Variants in EYS observed in about 807,000 individuals in gnomAD.
EYS encodes the protein EGF-like photoreceptor maintenance factor, also known as protein eyes shut homolog.
Under a neutral mutation model 282.1 loss-of-function variants are expected in EYS, and 250 were observed. The ratio of observed to expected loss-of-function variants is 0.89; its 90% confidence interval spans 0.80 to 0.98. The LOEUF (loss-of-function observed/expected upper bound fraction) is 0.98, where lower values mean the gene tolerates loss of function less well. Among genes scored for constraint, EYS ranks in the 50% least tolerant of loss-of-function variants. The pLI, the probability that EYS is intolerant of heterozygous loss-of-function variation, is 0.00. For synonymous variants in EYS, 1,355 were observed against 1,282.9 expected (o/e 1.06, Z -1.20); for missense variants, 4,016 against 3,709.0 (o/e 1.08, Z -2.15).
At chr6:64,372,158 T>TTC (rs1772400302) in intron 29 of EYS, among the ~76,000 whole-genome samples, 1 of 90,812 alleles carries the variant, frequency 1.1e-5, no homozygotes, top group Non-Finnish European at 2.4e-5. Flanking sequence ...TTTTTTTTTT[T>TTC]TTGTAGTGGC....
intron 12 of EYS, among the ~76,000 whole-genome samples, chr6:65,133,752 A>C (rs946981446): frequency 6.6e-6 from 1 of 152,112 alleles, no homozygotes; most frequent in African/African-American, 2.4e-5. Context: ...TTGCAACAAA[A>C]GCAAAAAAGA....
chr6:64,786,600 C>T (rs1295132880), intron 22 of EYS, among the ~76,000 whole-genome samples: 1 of 152,152 alleles, frequency 6.6e-6, no homozygotes, highest in Non-Finnish European at 1.5e-5. Context: ...TCTCTCTTGA[C>T]ACCATACCGG....
chr6:64,487,152 A>G (rs1329931118), intron 26 of EYS, among the ~76,000 whole-genome samples: 1 of 151,054 alleles, frequency 6.6e-6, no homozygotes, highest in East Asian at 1.9e-4. Context: ...TTGGCACTTA[A>G]TCAAGAGAGA....
rs140899657 is a variant in EYS, at chr6:64,704,969, C to T, written c.3444-78724G>A. On this transcript the variant is annotated intron_variant, in intron 22 of 42. Transcript: ENST00000503581. ...TTCTATTCAACATAGTACTGGAAGT[C>T]CTAGCCAGAGCAATCAGAAAAGATA... Among the ~76,000 whole-genome samples, 718 of 151,984 alleles carry T rather than the reference C, an allele frequency of 4.7e-3. 2 individuals carry two copies. The highest frequency in any genetic ancestry group is 0.016 in the African/African-American group (681 of 41,436).
intron 2 of EYS, among the ~76,000 whole-genome samples, chr6:65,581,705 T>G (rs1017399897): frequency 2.0e-5 from 3 of 152,136 alleles, no homozygotes; most frequent in Non-Finnish European, 4.4e-5. Context: ...ACCAAAAATG[T>G]GTATATACAT....
In EYS at chr6:64,907,018, T is replaced by C. The variant is rs561125208; in HGVS notation, c.2642-4518A>G. ...ATTTTATTTGAAGTCGTCTTTACCT[T>C]CTTAATCTTCATGTGGTTTTGTGGT... On this transcript the variant is annotated intron_variant, in intron 16 of 42. Coordinates refer to ENST00000503581, the MANE Select transcript of EYS (RefSeq NM_001142800.2). Among the ~76,000 whole-genome samples, 8 of 152,252 alleles carry C rather than the reference T, an allele frequency of 5.3e-5. 1 individual carries two copies. In the South Asian group the frequency reaches 1.7e-3, roughly 32 times the overall value.
intron 7 of EYS, among the ~76,000 whole-genome samples, chr6:65,387,947 T>C (rs1765864225): frequency 6.6e-6 from 1 of 152,076 alleles, no homozygotes; most frequent in Non-Finnish European, 1.5e-5. Flanking sequence ...TCATTGAACC[T>C]ATTCCGCTAC....
chr6:65,364,247 G>GT (rs33923001), intron 8 of EYS, among the ~76,000 whole-genome samples: 69,249 of 146,236 alleles, frequency 0.47, 16,613 homozygotes, highest in African/African-American at 0.56. Flanking sequence ...TCAACTAAAT[G>GT]TTTTTTTTTT....
intron 30 of EYS, among the ~76,000 whole-genome samples, chr6:64,273,487 C>T (rs1473795029): frequency 6.6e-6 from 1 of 151,522 alleles, no homozygotes; most frequent in Non-Finnish European, 1.5e-5. Context: ...TATGTTTTTC[C>T]CTTTATGGAG....
intron 8 of EYS, among the ~76,000 whole-genome samples, chr6:65,371,895 T>G (rs968644867): frequency 6.6e-6 from 1 of 151,480 alleles, no homozygotes; most frequent in African/African-American, 2.4e-5. Flanking sequence ...AAACTTTTAA[T>G]CCTACCCGAA....
intron 1 of EYS, among the ~76,000 whole-genome samples, chr6:65,676,246 T>C (rs1451332176): frequency 6.6e-6 from 1 of 151,482 alleles, no homozygotes. Context: ...CAGAAACAAA[T>C]AGAAAATAGA....
At chr6:64,470,909 C>G (rs1359489576) in intron 26 of EYS, among the ~76,000 whole-genome samples, 1 of 152,006 alleles carries the variant, frequency 6.6e-6, no homozygotes, top group African/African-American at 2.4e-5. Flanking sequence ...CATAGAAAAC[C>G]TATTTAACAA....
intron 22 of EYS, among the ~76,000 whole-genome samples, chr6:64,709,814 A>C (rs1358593173): frequency 6.6e-6 from 1 of 152,206 alleles, no homozygotes. Context: ...GTGGCATGAA[A>C]ATTAATAAAT....
rs138360413 is a variant in EYS, at chr6:65,004,149, A to T, written c.2138-6446T>A. Among the ~76,000 whole-genome samples the T allele has an allele frequency of 5.8e-4, 85 of 147,796 alleles. 1 individual carries two copies. Among genetic ancestry groups the T allele is most frequent in the African/African-American group, 2.1e-3 (85 of 41,290 alleles). ...TGAATACTGTAAACAATGCTTTCTCATGCCTAAGGGTGAATATTTTTAAAA... is the reference window on the plus strand; with the variant it reads ...TGAATACTGTAAACAATGCTTTCTCTTGCCTAAGGGTGAATATTTTTAAAA... On this transcript the variant is annotated intron_variant, in intron 13 of 42. Coordinates refer to ENST00000503581, the MANE Select transcript of EYS (RefSeq NM_001142800.2).
At chr6:63,998,226 T>A (rs1310152418) in intron 34 of EYS, among the ~76,000 whole-genome samples, 3 of 152,134 alleles carry the variant, frequency 2.0e-5, no homozygotes, top group Non-Finnish European at 4.4e-5. Flanking sequence ...AGAAAAGAGA[T>A]AATCATTCTA....
intron 26 of EYS, among the ~76,000 whole-genome samples, chr6:64,505,905 T>C (rs935543628): frequency 6.6e-6 from 1 of 152,172 alleles, no homozygotes; most frequent in African/African-American, 2.4e-5. Flanking sequence ...TGAAGGCACC[T>C]CAGTATGCTG....
chr6:64,192,051 GT>G (rs978134727), intron 31 of EYS, among the ~76,000 whole-genome samples: 1 of 143,138 alleles, frequency 7.0e-6, no homozygotes, highest in African/African-American at 2.5e-5. Flanking sequence ...TCTCATTGTG[GT>G]TTTGATTTGC....
intron 33 of EYS, among the ~76,000 whole-genome samples, chr6:64,050,494 A>G (rs1031439768): frequency 3.0e-4 from 46 of 152,196 alleles, no homozygotes; most frequent in Non-Finnish European, 5.3e-4. Context: ...ATGTATACTG[A>G]AAATACATGA....
chr6:64,255,939 T>G (rs7773042), intron 30 of EYS, among the ~76,000 whole-genome samples: 1 of 151,258 alleles, frequency 6.6e-6, no homozygotes, highest in African/African-American at 2.4e-5. Flanking sequence ...AAAAAAAAGT[T>G]CATTGGTCTT....
Sources: allele counts gnomAD v4.1 joint callset (sites outside exome capture counted in the v4.1 genomes callset), GRCh38; gene constraint gnomAD v4.1.1; transcripts MANE v1.5; gene names NCBI Gene and HGNC (gene_info 2026-07-23, HGNC 2026-07-21).